Variants in DDX43 observed in about 807,000 individuals in gnomAD.
DDX43 encodes DEAD-box helicase 43.
Under a neutral mutation model 84.9 loss-of-function variants are expected in DDX43, and 50 were observed. The ratio of observed to expected loss-of-function variants is 0.59; its 90% CI spans 0.47 to 0.75. The LOEUF is 0.75. Among genes scored for constraint, DDX43 ranks in the 30% least tolerant of loss-of-function variants. The pLI, the probability that DDX43 is intolerant of heterozygous loss-of-function variation, is 0.00. For missense variants in DDX43, 689 were observed against 798.6 expected (o/e 0.86, Z 1.65); for synonymous variants, 291 against 266.3 (o/e 1.09, Z -0.90).
rs1264283046 is a variant in DDX43 at position 73,417,524 on chromosome 6, G to GA, written c.*369dup. On this transcript the variant is annotated 3_prime_UTR_variant, in exon 17 of 17. Transcript: ENST00000370336. ...GTTTTCAAACAAAGAATCAGCACCT[G>GA]AAAAAATACTGTTAATAAATGTTCG... 1 of 152,128 alleles carries GA rather than the reference G, an allele frequency of 6.6e-6. No homozygotes were observed. The highest frequency in any genetic ancestry group is 2.4e-5 in the African/African-American group (1 of 41,442). 9.4% of individuals were successfully genotyped at this position (152,128 alleles called of 1,614,324 possible).
chr6:73,409,163 T>C lies in DDX43; in HGVS notation c.1180-85T>C. The C allele has an allele frequency of 4.0e-6, 4 of 1,004,644 alleles. No homozygotes were observed. The South Asian group carries it at 5.5e-5, about 14-fold the overall frequency. The allele number at this position is 1,004,644 out of a possible 1,614,324, so 62.2% of individuals were successfully genotyped here. On this transcript the variant is annotated intron_variant, in intron 9 of 16. Transcript: ENST00000370336. Reference sequence around the variant, plus strand: ...ATAGGGGAAATGAGAAAAGCCTTTCTTAGTGTTCTACTAATAAAGAAAGCA... The same window carrying C: ...ATAGGGGAAATGAGAAAAGCCTTTCCTAGTGTTCTACTAATAAAGAAAGCA...
intron 9 of DDX43, 107 bp from the exon 10 acceptor site, chr6:73,409,141 G>T: frequency 2.4e-6 from 2 of 817,864 alleles, no homozygotes; most frequent in East Asian, 2.5e-5. Context: ...TTAAGTAATA[G>T]GGGAAATGAG....
At chr6:73,415,908 T>C (rs1033498491) in intron 15 of DDX43, among the ~76,000 whole-genome samples, 2 of 152,180 alleles carry the variant, frequency 1.3e-5, no homozygotes, top group Admixed American at 6.5e-5. Context: ...TGCTACCATA[T>C]AAAGGCACAT....
chr6:73,407,204 G>A (rs1483493122), intron 7 of DDX43, among the ~76,000 whole-genome samples: 2 of 151,962 alleles, frequency 1.3e-5, no homozygotes, highest in Non-Finnish European at 2.9e-5. Context: ...TGCAACCTCC[G>A]CCTCCTGGGT....
Position 73,413,960 on chromosome 6 carries a change from T to C in DDX43, c.1497-10T>C, listed in dbSNP as rs1278809650. On this transcript the variant is annotated splice_polypyrimidine_tract_variant and intron_variant, in intron 12 of 16. Transcript: ENST00000370336. ...GCACCTAAGAATGCTGAGTTTATCT[T>C]TTGCTTCAGTGCGGATCACTTATCA... is the stretch of plus-strand genomic sequence containing the variant. 4.4e-6 allele frequency: 7 copies of C among 1,591,082 alleles called. No homozygotes were observed. The African/African-American group carries it at 9.4e-5, about 21-fold the overall frequency.
At chr6:73,412,664 TGTGTGCGC>T (rs1394948574) in intron 11 of DDX43, among the ~76,000 whole-genome samples, 8 of 88,828 alleles carry the variant, frequency 9.0e-5, no homozygotes, top group African/African-American at 3.2e-4. Flanking sequence ...TGTGTGTGTG[TGTGTGCGC>T]GCGCGCGTGT....
Position 73,414,531 on chromosome 6 carries a change from T to C in DDX43, c.1607-17T>C. 6 of 1,606,390 alleles carry C rather than the reference T, an allele frequency of 3.7e-6. No homozygotes were observed. Among genetic ancestry groups the C allele is most frequent in the Non-Finnish European group, 5.1e-6 (6 of 1,176,118 alleles). Reference sequence around the variant, plus strand: ...TATACCAGAATGGTTCAGTGTTCATTTGGCTTTACTTTTTAGGCAAAGTGA... The same window carrying C: ...TATACCAGAATGGTTCAGTGTTCATCTGGCTTTACTTTTTAGGCAAAGTGA... On this transcript the variant is annotated splice_polypyrimidine_tract_variant and intron_variant, in intron 13 of 16. Transcript: ENST00000370336.
chr6:73,404,469 C>G (rs1769636005), intron 4 of DDX43, among the ~76,000 whole-genome samples: 1 of 152,272 alleles, frequency 6.6e-6, no homozygotes, highest in East Asian at 1.9e-4. Context: ...TCCTCCCATG[C>G]CAGCCTCTCA....
chr6:73,409,386 T>A, intron 10 of DDX43, 38 bp downstream of exon 10: 1 of 1,450,302 alleles, frequency 6.9e-7, no homozygotes, highest in Non-Finnish European at 9.7e-7. Flanking sequence ...AGAATAGAAA[T>A]CAGTGGAATA....
At chr6:73,407,438 G>A (rs764600616) in intron 7 of DDX43, 67 bp from the exon 8 acceptor site, 113 of 1,096,018 alleles carry the variant, frequency 1.0e-4, no homozygotes, top group Non-Finnish European at 1.5e-4. Flanking sequence ...AAATCTTGAT[G>A]GTACTGAATA....
chr6:73,410,179 T>C (rs946297482), intron 10 of DDX43, among the ~76,000 whole-genome samples: 2 of 152,222 alleles, frequency 1.3e-5, no homozygotes, highest in African/African-American at 4.8e-5. Flanking sequence ...AATGTATTTA[T>C]TTATTTTGAG....
At chr6:73,401,727 G>A (rs867514453) in intron 3 of DDX43, 132 bp from the exon 4 acceptor site, 9 of 794,492 alleles carry the variant, frequency 1.1e-5, no homozygotes, top group African/African-American at 7.2e-5. Flanking sequence ...GCGGGAACCC[G>A]GGAGGTGGAG....
chr6:73,398,955 TA>T (rs1384731238), intron 2 of DDX43, among the ~76,000 whole-genome samples: 7 of 152,174 alleles, frequency 4.6e-5, no homozygotes, highest in Admixed American at 3.9e-4. Flanking sequence ...TATTTTTTTA[TA>T]TTTTTTTGAG....
intron 1 of DDX43, 83 bp downstream of exon 1, chr6:73,395,238 C>T: frequency 3.4e-6 from 5 of 1,456,594 alleles, no homozygotes; most frequent in Middle Eastern, 2.3e-4. Flanking sequence ...CCCACTGCCT[C>T]ACCTCCAATC....
At chr6:73,414,519 T>C in intron 13 of DDX43, 29 bp from the exon 14 acceptor site, 1 of 1,595,582 alleles carries the variant, frequency 6.3e-7, no homozygotes, top group East Asian at 2.2e-5. Flanking sequence ...ACCAGAATGG[T>C]TCAGTGTTCA....
At chr6:73,401,026 G>A (rs1769559228) in intron 3 of DDX43, among the ~76,000 whole-genome samples, 1 of 151,946 alleles carries the variant, frequency 6.6e-6, no homozygotes, top group Non-Finnish European at 1.5e-5. Context: ...TTTCCAGGCT[G>A]GAGTGCAGTG....
At chr6:73,406,297 C>T in intron 6 of DDX43, 67 bp from the exon 7 acceptor site, 1 of 1,163,470 alleles carries the variant, frequency 8.6e-7, no homozygotes, top group Non-Finnish European at 1.3e-6. Context: ...GCTGGGATTA[C>T]AGGCGTGAGC....
intron 4 of DDX43, among the ~76,000 whole-genome samples, chr6:73,403,664 T>A (rs1394244834): frequency 1.3e-5 from 2 of 151,908 alleles, no homozygotes; most frequent in Non-Finnish European, 2.9e-5. Flanking sequence ...TTTTATTAAA[T>A]TTTTTTTGAG....
chr6:73,405,921 A>G, intron 6 of DDX43, 86 bp downstream of exon 6: 5 of 1,286,888 alleles, frequency 3.9e-6, no homozygotes, highest in Non-Finnish European at 5.3e-6. Flanking sequence ...CCAGGGAGCA[A>G]CTGTCTTAGC....
Sources: gnomAD v4.1 joint callset for allele counts (sites outside exome capture counted in the v4.1 genomes callset) on GRCh38, gnomAD v4.1.1 for gene constraint, MANE v1.5 for transcripts, NCBI Gene and HGNC (gene_info 2026-07-23, HGNC 2026-07-21) for gene names.